TOR1AIP2: variants seen among roughly 807,000 people sequenced by gnomAD.
TOR1AIP2 encodes the protein torsin-1A-interacting protein 2.
TOR1AIP2 carries 20 observed loss-of-function variants against 32.6 expected under a neutral mutation model. That is an observed-to-expected ratio of 0.61 (90% CI 0.43 to 0.89). TOR1AIP2 has a LOEUF of 0.89. Ranked by LOEUF, TOR1AIP2 falls within the 40% of genes least tolerant of loss-of-function variation. TOR1AIP2 has a pLI of 0.00. For synonymous variants in TOR1AIP2, 214 were observed against 210.8 expected, an observed-to-expected ratio of 1.02 and a Z score of -0.13; for missense variants, 456 against 553.8, an observed-to-expected ratio of 0.82 and a Z score of 1.77.
chr1:179,867,332 C>G (rs1696823367), intron 2 of TOR1AIP2, among the ~76,000 whole-genome samples: 2 of 152,078 alleles, frequency 1.3e-5, no homozygotes, highest in African/African-American at 4.8e-5. Context: ...GCAGAGTGGA[C>G]AAAAGGCTTG....
chr1:179,876,860 AAAG>A (rs1352005051), intron 2 of TOR1AIP2, among the ~76,000 whole-genome samples: 1 of 152,232 alleles, frequency 6.6e-6, no homozygotes, highest in African/African-American at 2.4e-5. Context: ...AAATTTGTTA[AAAG>A]AAGGAAAAGG....
intron 3 of TOR1AIP2, chr1:179,862,683 T>C (rs2148444780): frequency 1.0e-6 from 1 of 982,074 alleles, no homozygotes; most frequent in African/African-American, 1.7e-5. Context: ...ATCCCAGCAC[T>C]GTCGGAGGTC....
At chr1:179,859,593 G>C in intron 3 of TOR1AIP2, 1 of 985,282 alleles carries the variant, frequency 1.0e-6, no homozygotes, top group Non-Finnish European at 1.2e-6. Flanking sequence ...ACCACTTCAG[G>C]AATTTGTTTA....
Position 179,845,327 on chromosome 1 carries a change from G to A in TOR1AIP2, c.*744C>T, listed in dbSNP as rs1316060068. ...TAGACACAGTTTGAAAATCAATGCT[G>A]TAAATTGTTCAAGAAAAGCTGAAGT... On this transcript the variant is annotated 3_prime_UTR_variant, in exon 7 of 7. Transcript: ENST00000609928. 6.6e-6 allele frequency: 1 copy of A among 152,170 alleles called. No homozygotes were observed. The highest frequency in any genetic ancestry group is 6.5e-5 in the Admixed American group (1 of 15,274). The allele number at this position is 152,170 out of a possible 1,614,324, so 9.4% of individuals were successfully genotyped here. A position where few individuals can be genotyped will look rare whatever the true frequency, so the allele number is the denominator to read the frequency against.
chr1:179,872,479 T>C (rs1697047298), intron 2 of TOR1AIP2, among the ~76,000 whole-genome samples: 1 of 152,238 alleles, frequency 6.6e-6, no homozygotes, highest in Non-Finnish European at 1.5e-5. Flanking sequence ...CCCAGCATTA[T>C]TATTTTCACA....
intron 5 of TOR1AIP2, among the ~76,000 whole-genome samples, chr1:179,850,455 T>C (rs947436254): frequency 1.3e-5 from 2 of 152,280 alleles, no homozygotes; most frequent in East Asian, 1.9e-4. Flanking sequence ...TCTTGATTTA[T>C]GTAACATTTA....
chr1:179,872,334 T>C (rs780552628), intron 2 of TOR1AIP2, among the ~76,000 whole-genome samples: 2 of 152,238 alleles, frequency 1.3e-5, no homozygotes, highest in South Asian at 4.1e-4. Flanking sequence ...TTAAGGCTAA[T>C]ACACAACTTT....
chr1:179,874,134 T>C (rs1390977805), intron 2 of TOR1AIP2: 1 of 152,230 alleles, frequency 6.6e-6, no homozygotes, highest in Non-Finnish European at 1.5e-5. Context: ...ATCACTAGCA[T>C]TACCTGGGAG....
rs371344546 is a variant in TOR1AIP2, at chr1:179,851,287, A to G, written c.111T>C (p.Ala37=). The change falls in exon 5 of 7, where the codon GCT becomes GCC. Residue 37 remains alanine, a synonymous_variant. Transcript: ENST00000609928. The part of the protein sequence containing the change: ...AQETTIIASN[A]EEAEILHSAC... ...CAGAGTGTAGGATCTCAGCTTCTTC[A>G]GCATTACTTGCTATGATTGTGGTCT... is the stretch of plus-strand genomic sequence containing the variant. 3 of 1,609,132 alleles carry G rather than the reference A, an allele frequency of 1.9e-6. No individual in the cohort carries two copies. In the African/African-American group the frequency reaches 4.0e-5, roughly 22 times the overall value.
At chr1:179,859,508 G>A in intron 3 of TOR1AIP2, 6 of 985,392 alleles carry the variant, frequency 6.1e-6, no homozygotes, top group Non-Finnish European at 7.2e-6. Context: ...TGTGACTCCA[G>A]TACATATGAC....
intron 3 of TOR1AIP2, chr1:179,864,868 A>G: frequency 6.2e-7 from 1 of 1,614,024 alleles, no homozygotes; most frequent in Non-Finnish European, 8.5e-7. Context: ...CAGCTACTCG[A>G]GAGTCATGTA....
intron 3 of TOR1AIP2, chr1:179,860,538 C>G: frequency 1.0e-6 from 1 of 985,440 alleles, no homozygotes; most frequent in South Asian, 4.7e-5. Flanking sequence ...CTAACTTCTG[C>G]TTTTGCTTTC....
rs754539397 is a variant in TOR1AIP2, at chr1:179,846,263, T to G, written c.1221A>C (p.Ala407=). ...TVLLEEETLE[A]SVGPRETEEK... ...CTTCCGTTTCCCTTGGGCCTACACTTGCTTCTAATGTTTCCTCCTCTAGCA... is the reference window on the plus strand; with the variant it reads ...CTTCCGTTTCCCTTGGGCCTACACTGGCTTCTAATGTTTCCTCCTCTAGCA... Residue 407 remains alanine (A), a synonymous_variant, in exon 7 of 7, where the codon GCA becomes GCC. Coordinates refer to ENST00000609928, the MANE Select transcript of TOR1AIP2 (RefSeq NM_001199260.2). 2 of 1,614,208 alleles carry G rather than the reference T, an allele frequency of 1.2e-6. No homozygotes were observed. The highest frequency in any genetic ancestry group is 1.7e-6 in the Non-Finnish European group (2 of 1,180,040).
At chr1:179,874,173 A>T (rs1244063488) in intron 2 of TOR1AIP2, 1 of 152,258 alleles carries the variant, frequency 6.6e-6, no homozygotes, top group Non-Finnish European at 1.5e-5. Flanking sequence ...TCAGGCCCCA[A>T]CCTAGACCCA....
intron 3 of TOR1AIP2, among the ~76,000 whole-genome samples, chr1:179,857,186 A>T (rs138585053): frequency 4.6e-4 from 70 of 152,364 alleles, no homozygotes; most frequent in African/African-American, 1.6e-3. Flanking sequence ...TGCAAGTTCA[A>T]TTACGAAATG....
chr1:179,863,797 T>A (rs150014615), intron 3 of TOR1AIP2: 1 of 985,002 alleles, frequency 1.0e-6, no homozygotes, highest in Non-Finnish European at 1.2e-6. Context: ...GCATGTTAAG[T>A]GTAATTTAAA....
chr1:179,848,413 A>G (rs1165091729), intron 5 of TOR1AIP2, among the ~76,000 whole-genome samples: 1 of 152,260 alleles, frequency 6.6e-6, no homozygotes, highest in East Asian at 1.9e-4. Flanking sequence ...ATTAGTGTAC[A>G]GTTGCAAAAT....
intron 3 of TOR1AIP2, among the ~76,000 whole-genome samples, chr1:179,858,802 AATTGCTAGC>A (rs1369675176): frequency 3.9e-5 from 6 of 152,148 alleles, no homozygotes; most frequent in Non-Finnish European, 8.8e-5. Context: ...CCATCCTGCA[AATTGCTAGC>A]ATTGCCATGG....
At chr1:179,872,304 A>G (rs552936325) in intron 2 of TOR1AIP2, among the ~76,000 whole-genome samples, 26 of 152,282 alleles carry the variant, frequency 1.7e-4, no homozygotes, top group African/African-American at 6.3e-4. Context: ...TTTCACTTCA[A>G]AACACCAGCA....
Sources: gnomAD v4.1 joint callset for allele counts (sites outside exome capture counted in the v4.1 genomes callset) on GRCh38, gnomAD v4.1.1 for gene constraint, MANE v1.5 for transcripts, NCBI Gene and HGNC (gene_info 2026-07-23, HGNC 2026-07-21) for gene names.